Variants in WWC1 observed in about 807,000 individuals in gnomAD.
The protein encoded by WWC1 is protein KIBRA.
In WWC1, 55 loss-of-function variants were observed where a neutral mutation model predicts 138.4. That is an observed-to-expected ratio of 0.40 (90% confidence interval 0.32 to 0.50). WWC1 has a LOEUF of 0.50. WWC1 is among the 20% of genes least tolerant of loss of function. The pLI, the probability that WWC1 is intolerant of heterozygous loss-of-function variation, is 0.72. For synonymous variants in WWC1, 524 were observed against 564.9 expected (o/e 0.93, Z 1.03); for missense variants, 1,226 against 1,420.4 (o/e 0.86, Z 2.20).
intron 2 of WWC1, among the ~76,000 whole-genome samples, chr5:168,375,694 C>T (rs1246993524): frequency 6.6e-6 from 1 of 152,094 alleles, no homozygotes; most frequent in Admixed American, 6.6e-5. Flanking sequence ...CCTGCCTCAG[C>T]CTCCCAAGTA....
Position 168,468,997 on chromosome 5 carries a change from C to G in WWC1, c.3322C>G (p.Leu1108Val), listed in dbSNP as rs181936962. ...FTRPRMNIPA[L>V]SADDV ...CCGGCCTCGGATGAATATCCCAGCT[C>G]TCTCTGCAGATGACGTCTAATCGCC... Residue 1108 changes from leucine (L) to valine (V), a missense_variant, in exon 23 of 23, where the codon CTC becomes GTC. This residue lies in a region of WWC1 where 206 missense variants were observed against 247.4 expected (regional missense o/e 0.83). Coordinates refer to ENST00000265293, the MANE Select transcript of WWC1 (RefSeq NM_015238.3). 1.5e-4 allele frequency: 243 copies of G among 1,614,224 alleles called. No individual in the cohort carries two copies. The highest frequency in any genetic ancestry group is 1.9e-4 in the Non-Finnish European group (219 of 1,180,042).
intron 21 of WWC1, 58 bp from the exon 22 acceptor site, chr5:168,467,782 C>T (rs1191451124): frequency 6.2e-7 from 1 of 1,611,364 alleles, no homozygotes; most frequent in Non-Finnish European, 8.5e-7. Context: ...AGCGAGTTCT[C>T]CTTGCCCCTT....
intron 6 of WWC1, among the ~76,000 whole-genome samples, chr5:168,407,797 G>A (rs961746617): frequency 5.3e-5 from 8 of 152,084 alleles, no homozygotes; most frequent in African/African-American, 1.9e-4. Context: ...GTATTCACTA[G>A]TGTTTTATAC....
intron 5 of WWC1, among the ~76,000 whole-genome samples, chr5:168,404,530 CCTCTGCTT>C (rs1481331823): frequency 6.6e-6 from 1 of 152,180 alleles, no homozygotes; most frequent in African/African-American, 2.4e-5. Context: ...CTCGCTCTCT[CCTCTGCTT>C]GGAGGCGCAG....
intron 22 of WWC1, 89 bp from the exon 23 acceptor site, chr5:168,468,862 C>A: frequency 1.4e-6 from 2 of 1,402,434 alleles, no homozygotes; most frequent in Non-Finnish European, 2.0e-6. Context: ...ATGTATAGGA[C>A]AGCTCCCACG....
chr5:168,464,985 G>C, intron 21 of WWC1, 23 bp downstream of exon 21: 1 of 1,611,540 alleles, frequency 6.2e-7, no homozygotes. Flanking sequence ...TCGAAGGCAG[G>C]GGAGCCCTGC....
At chr5:168,466,018 G>A (rs777296053) in intron 21 of WWC1, among the ~76,000 whole-genome samples, 2 of 152,182 alleles carry the variant, frequency 1.3e-5, no homozygotes, top group South Asian at 2.1e-4. Context: ...TCTGCAGCAC[G>A]ATGGGGAGTC....
chr5:168,429,362 G>A (rs1485524749), intron 13 of WWC1, among the ~76,000 whole-genome samples: 5 of 149,228 alleles, frequency 3.4e-5, no homozygotes, highest in African/African-American at 1.2e-4. Context: ...GGGTTCAAGC[G>A]ATTCTCCTGC....
At chr5:168,295,060 C>G (rs1422619893) in intron 1 of WWC1, among the ~76,000 whole-genome samples, 1 of 152,150 alleles carries the variant, frequency 6.6e-6, no homozygotes, top group Non-Finnish European at 1.5e-5. Context: ...TGTGGTCCAG[C>G]TTTGTATGTT....
In WWC1 at chr5:168,459,794, C is replaced by G. The variant is rs528516140; in HGVS notation, c.2824-856C>G. Among the ~76,000 whole-genome samples, 6 of 152,262 alleles carry G rather than the reference C, an allele frequency of 3.9e-5. No homozygotes were observed. The South Asian group carries it at 1.2e-3, about 32-fold the overall frequency. ...ACCTGCAACAGTGAACTGACAGCTG[C>G]TAGACACACAAGCACAATAGCATCG... is the stretch of plus-strand genomic sequence containing the variant. On this transcript the variant is annotated intron_variant, in intron 19 of 22. Transcript: ENST00000265293.
At chr5:168,339,236 C>G (rs1773767375) in intron 1 of WWC1, among the ~76,000 whole-genome samples, 1 of 152,122 alleles carries the variant, frequency 6.6e-6, no homozygotes, top group Non-Finnish European at 1.5e-5. Context: ...TGACAAGGAG[C>G]TTTTCCAGCT....
At chr5:168,431,958 T>C (rs1227746067) in intron 15 of WWC1, among the ~76,000 whole-genome samples, 3 of 151,566 alleles carry the variant, frequency 2.0e-5, no homozygotes, top group African/African-American at 2.4e-5. Context: ...TCCTAGCTAC[T>C]CTGGAGGTTG....
intron 10 of WWC1, among the ~76,000 whole-genome samples, chr5:168,423,165 A>C (rs937863216): frequency 5.3e-5 from 8 of 151,502 alleles, no homozygotes; most frequent in African/African-American, 9.7e-5. Flanking sequence ...AAAAAAAAAA[A>C]AAAAAAACAC....
chr5:168,397,247 A>T (rs1554103719), intron 3 of WWC1, among the ~76,000 whole-genome samples: 1 of 151,890 alleles, frequency 6.6e-6, no homozygotes, highest in Non-Finnish European at 1.5e-5. Flanking sequence ...GGTTCAAGCA[A>T]TTCTCATGCC....
In WWC1 at chr5:168,460,740, C is replaced by T. The variant is rs201720208; in HGVS notation, c.2914C>T (p.Arg972Trp). The T allele has an allele frequency of 5.1e-5, 83 of 1,614,102 alleles. No homozygotes were observed. The highest frequency in any genetic ancestry group is 6.7e-5 in the Non-Finnish European group (79 of 1,179,988). Residue 972 changes from arginine to tryptophan, a missense_variant and splice_region_variant, in exon 20 of 23, where the codon CGG becomes TGG. Around this residue, in one of 3 missense-constraint regions of WWC1, gnomAD observed 206 missense variants for 247.4 expected, o/e 0.83. Coordinates refer to ENST00000265293, the MANE Select transcript of WWC1 (RefSeq NM_015238.3). ...SLERRSVRMK[R>W]PSSVKSLRSE... is the part of the protein sequence containing the mutation. ...GGAGCGACGCAGCGTCCGGATGAAGCGGGTAAGAGAGTCACCTCAAAGCTA... is the reference window on the plus strand; with the variant it reads ...GGAGCGACGCAGCGTCCGGATGAAGTGGGTAAGAGAGTCACCTCAAAGCTA...
chr5:168,428,421 C>A (rs1781683198), intron 12 of WWC1, among the ~76,000 whole-genome samples: 1 of 151,988 alleles, frequency 6.6e-6, no homozygotes, highest in South Asian at 2.1e-4. Context: ...GGGAAGGCCC[C>A]TTAAGAGAGG....
intron 21 of WWC1, 40 bp from the exon 22 acceptor site, chr5:168,467,800 G>GC: frequency 6.2e-7 from 1 of 1,612,948 alleles, no homozygotes; most frequent in Non-Finnish European, 8.5e-7. Context: ...CTTTCTGGAG[G>GC]CCCCCTCCAC....
intron 17 of WWC1, 137 bp downstream of exon 17, chr5:168,444,722 T>A: frequency 1.2e-6 from 1 of 866,196 alleles, no homozygotes; most frequent in Non-Finnish European, 1.8e-6. Flanking sequence ...ATGGGTTCTC[T>A]ACAGGCAAAA....
In WWC1 at chr5:168,461,255, G is replaced by A. The variant is rs139605840; in HGVS notation, c.2916+513G>A. The stretch of plus-strand genomic sequence containing the variant: ...GCTGAGGCAGGAGAATCGCTTAAAC[G>A]CAGGAGGCAGAGGTTGCAGTGAGCT... On this transcript the variant is annotated intron_variant, in intron 20 of 22. Transcript: ENST00000265293. Among the ~76,000 whole-genome samples the A allele has an allele frequency of 5.3e-3, 805 of 151,164 alleles. 32 individuals are homozygous for A. The East Asian group carries it at 0.088, about 17-fold the overall frequency.
Sources: gnomAD v4.1 joint callset for allele counts (sites outside exome capture counted in the v4.1 genomes callset) on GRCh38, gnomAD v4.1.1 for gene constraint, gnomAD v4.1.1 regional missense constraint, MANE v1.5 for transcripts, NCBI Gene and HGNC (gene_info 2026-07-23, HGNC 2026-07-21) for gene names.